FAM13A: variants seen among roughly 807,000 people sequenced by gnomAD.
FAM13A encodes family with sequence similarity 13 member A, also known as protein FAM13A.
Under a neutral mutation model 129.6 loss-of-function variants are expected in FAM13A, and 76 were observed. That is an observed-to-expected ratio of 0.59 (90% confidence interval 0.49 to 0.71). FAM13A has a LOEUF of 0.71. FAM13A is among the 30% of genes least tolerant of loss of function. The pLI, the probability that FAM13A is intolerant of heterozygous loss-of-function variation, is 0.00. For missense variants in FAM13A, 1,108 were observed against 1,249.3 expected, an observed-to-expected ratio of 0.89 and a Z score of 1.70; for synonymous variants, 443 against 449.9, an observed-to-expected ratio of 0.98 and a Z score of 0.20.
At chr4:89,021,115 G>C (rs1767201377) in intron 2 of FAM13A, among the ~76,000 whole-genome samples, 1 of 152,206 alleles carries the variant, frequency 6.6e-6, no homozygotes, top group Non-Finnish European at 1.5e-5. Flanking sequence ...GAAATAAGGG[G>C]TAGTTTTTCA....
At chr4:89,023,536 A>C (rs1060693) in intron 2 of FAM13A, among the ~76,000 whole-genome samples, 91,178 of 151,840 alleles carry the variant, frequency 0.6, 28,038 homozygotes, top group Middle Eastern at 0.69. Context: ...TCAGAAAAAA[A>C]TACCCAGCTC....
chr4:88,826,878 C>A (rs1733086284), intron 7 of FAM13A, among the ~76,000 whole-genome samples: 1 of 152,086 alleles, frequency 6.6e-6, no homozygotes, highest in Non-Finnish European at 1.5e-5. Context: ...TTGAATCTGC[C>A]CCTCGCTACT....
chr4:89,050,476 G>A (rs537693438), intron 1 of FAM13A, among the ~76,000 whole-genome samples: 1 of 151,976 alleles, frequency 6.6e-6, no homozygotes, highest in African/African-American at 2.4e-5. Context: ...AAAGTGCTGG[G>A]ATTACAGGTG....
At chr4:88,860,697 C>A (rs1198176462) in intron 6 of FAM13A, among the ~76,000 whole-genome samples, 2 of 152,168 alleles carry the variant, frequency 1.3e-5, no homozygotes, top group Admixed American at 6.5e-5. Context: ...GCCATTTATT[C>A]CTAATCCAAG....
intron 5 of FAM13A, among the ~76,000 whole-genome samples, chr4:88,914,908 A>G (rs1204890339): frequency 2.6e-5 from 4 of 152,238 alleles, no homozygotes; most frequent in Non-Finnish European, 5.9e-5. Flanking sequence ...GAACAAGATA[A>G]TAACACATTT....
chr4:88,825,412 T>C (rs977916633), intron 7 of FAM13A, among the ~76,000 whole-genome samples: 10 of 152,108 alleles, frequency 6.6e-5, no homozygotes, highest in African/African-American at 2.4e-4. Context: ...AGATGGGGTT[T>C]CACCATGTTG....
intron 4 of FAM13A, among the ~76,000 whole-genome samples, chr4:88,970,666 A>G (rs1017349290): frequency 6.6e-6 from 1 of 152,136 alleles, no homozygotes; most frequent in Non-Finnish European, 1.5e-5. Flanking sequence ...TATTTGGAAT[A>G]AAACACACTG....
At chr4:89,023,670 AT>A (rs1354225705) in intron 2 of FAM13A, among the ~76,000 whole-genome samples, 1 of 152,130 alleles carries the variant, frequency 6.6e-6, no homozygotes. Flanking sequence ...TCTCTGTCCC[AT>A]TTATCTGAAC....
chr4:88,900,898 C>T (rs989132980), intron 6 of FAM13A, among the ~76,000 whole-genome samples: 7 of 151,970 alleles, frequency 4.6e-5, no homozygotes, highest in Non-Finnish European at 7.4e-5. Context: ...CTTCAAAAGA[C>T]CTATCTCCTG....
chr4:88,932,815 A>G (rs1043358160), intron 5 of FAM13A, among the ~76,000 whole-genome samples: 15 of 152,310 alleles, frequency 9.8e-5, no homozygotes, highest in South Asian at 2.1e-4. Flanking sequence ...ACTAATCGCT[A>G]TGGAAGGCCA....
At chr4:88,900,896 G>T (rs958047173) in intron 6 of FAM13A, among the ~76,000 whole-genome samples, 2 of 152,056 alleles carry the variant, frequency 1.3e-5, no homozygotes, top group Admixed American at 1.3e-4. Flanking sequence ...GTCTTCAAAA[G>T]ACCTATCTCC....
At chr4:88,832,997 A>AGACT (rs1375083973) in intron 7 of FAM13A, among the ~76,000 whole-genome samples, 1 of 152,250 alleles carries the variant, frequency 6.6e-6, no homozygotes, top group Non-Finnish European at 1.5e-5. Flanking sequence ...CATCAATGAT[A>AGACT]GACTGGATAA....
intron 6 of FAM13A, among the ~76,000 whole-genome samples, chr4:88,863,322 G>A (rs1739830097): frequency 7.1e-6 from 1 of 141,040 alleles, no homozygotes; most frequent in Non-Finnish European, 1.5e-5. Context: ...GAGCTTCCAG[G>A]TTGGTGAATA....
At chr4:89,052,449 T>A (rs1771732326) in intron 1 of FAM13A, among the ~76,000 whole-genome samples, 1 of 112,798 alleles carries the variant, frequency 8.9e-6, no homozygotes, top group African/African-American at 3.3e-5. Flanking sequence ...CCTAAAGCTA[T>A]CCCTCCCCCC....
Position 88,737,506 on chromosome 4 carries a change from TC to T in FAM13A, c.2611del (p.Glu871ArgfsTer11). 1 of 1,614,110 alleles carries T rather than the reference TC, an allele frequency of 6.2e-7. No homozygotes were observed. Among genetic ancestry groups the T allele is most frequent in the East Asian group, 2.2e-5 (1 of 44,880 alleles). On this transcript the variant is annotated frameshift_variant, in exon 21 of 24. Transcript: ENST00000264344. LOFTEE classifies it high-confidence loss of function. ...RRSPLLQPII[E>X]GETASFFKEI... ...CTTGAAGAAGGAAGCAGTTTCGCCCTCGATAATTGGCTGCAGCAAAGGGCTT... is the reference window on the plus strand; with the variant it reads ...CTTGAAGAAGGAAGCAGTTTCGCCCTGATAATTGGCTGCAGCAAAGGGCTT...
intron 9 of FAM13A, among the ~76,000 whole-genome samples, chr4:88,789,452 C>A (rs1218625269): frequency 1.3e-5 from 2 of 152,140 alleles, no homozygotes; most frequent in Non-Finnish European, 2.9e-5. Context: ...ACCTCCTACA[C>A]CTGATCCTTG....
chr4:88,777,426 G>A (rs1039760133), intron 11 of FAM13A, among the ~76,000 whole-genome samples: 7 of 152,154 alleles, frequency 4.6e-5, no homozygotes, highest in African/African-American at 1.7e-4. Context: ...TTTCTTCTGG[G>A]AGAGAAGGAA....
intron 7 of FAM13A, among the ~76,000 whole-genome samples, chr4:88,829,210 A>G (rs10021465): frequency 0.36 from 55,299 of 152,106 alleles, 10,297 homozygotes; most frequent in African/African-American, 0.44. Flanking sequence ...TATTAAAATA[A>G]TTTATTTCTT....
chr4:89,035,101 T>C (rs937568614), intron 1 of FAM13A, among the ~76,000 whole-genome samples: 3 of 152,052 alleles, frequency 2.0e-5, no homozygotes, highest in East Asian at 3.9e-4. Flanking sequence ...GAGGCCAGTA[T>C]CCTAAGCAAA....
Sources: gnomAD v4.1 joint callset for allele counts (sites outside exome capture counted in the v4.1 genomes callset) on GRCh38, gnomAD v4.1.1 for gene constraint, MANE v1.5 for transcripts, NCBI Gene and HGNC (gene_info 2026-07-23, HGNC 2026-07-21) for gene names.